Variants in TBC1D1 observed in about 807,000 individuals in gnomAD.
TBC1D1 encodes TBC1 (tre-2/USP6, BUB2, cdc16) domain family, member 1.
In TBC1D1, 89 loss-of-function variants were observed where a neutral mutation model predicts 125.6. That is an observed-to-expected ratio of 0.71 (90% CI 0.60 to 0.85). The LOEUF (loss-of-function observed/expected upper bound fraction) is 0.85. Ranked by LOEUF, TBC1D1 falls within the 40% of genes least tolerant of loss-of-function variation. TBC1D1 has a pLI of 0.00. For missense variants in TBC1D1, 1,377 were observed against 1,469.2 expected (o/e 0.94, Z 1.03); for synonymous variants, 565 against 564.1 (o/e 1.00, Z -0.02).
chr4:38,005,670 C>T (rs933093735), intron 2 of TBC1D1, among the ~76,000 whole-genome samples: 4 of 152,208 alleles, frequency 2.6e-5, no homozygotes, highest in African/African-American at 9.6e-5. Flanking sequence ...GAAATGAAGT[C>T]CTGCCCTCAG....
chr4:38,133,309 A>C, intron 19 of TBC1D1, 52 bp downstream of exon 21: 109 of 1,547,102 alleles, frequency 7.0e-5, no homozygotes, highest in South Asian at 9.6e-5. Flanking sequence ...ATGGTAGTTC[A>C]TTAACTCACC....
intron 2 of TBC1D1, among the ~76,000 whole-genome samples, chr4:37,976,669 G>T (rs1458336300): frequency 1.3e-5 from 2 of 151,794 alleles, no homozygotes; most frequent in Non-Finnish European, 1.5e-5. Context: ...TTTCAACGTG[G>T]AACTCAGGAG....
intron 14 of TBC1D1, among the ~76,000 whole-genome samples, chr4:38,098,429 A>G (rs577916712): frequency 5.3e-5 from 8 of 152,306 alleles, no homozygotes; most frequent in Non-Finnish European, 1.0e-4. Context: ...TGGCACCTGG[A>G]TATTTGTTTT....
chr4:38,028,785 C>T (rs1037510725), intron 7 of TBC1D1, among the ~76,000 whole-genome samples: 5 of 152,220 alleles, frequency 3.3e-5, no homozygotes, highest in East Asian at 1.9e-4. Context: ...CGCCCCTTCC[C>T]GCTTAGGATT....
chr4:37,953,390 G>A (rs1386809414), intron 2 of TBC1D1, among the ~76,000 whole-genome samples: 2 of 152,174 alleles, frequency 1.3e-5, no homozygotes. Context: ...ATCAAGGAGA[G>A]GCACTGCATG....
chr4:37,969,520 AT>A (rs1306398675), intron 2 of TBC1D1, among the ~76,000 whole-genome samples: 2 of 152,106 alleles, frequency 1.3e-5, no homozygotes, highest in Admixed American at 1.3e-4. Flanking sequence ...TAATTTTTGT[AT>A]TTTTGGTGGA....
intron 16 of TBC1D1, among the ~76,000 whole-genome samples, chr4:38,117,545 C>A (rs1449958160): frequency 6.6e-6 from 1 of 152,190 alleles, no homozygotes; most frequent in Non-Finnish European, 1.5e-5. Flanking sequence ...TTATGCTTCT[C>A]CTGCCTATTG....
At chr4:38,025,218 G>A (rs1744838604) in intron 6 of TBC1D1, among the ~76,000 whole-genome samples, 1 of 152,220 alleles carries the variant, frequency 6.6e-6, no homozygotes, top group East Asian at 1.9e-4. Flanking sequence ...GACCAGAGGA[G>A]CCAGGAGGGG....
chr4:38,061,762 C>T (rs1357094233), intron 12 of TBC1D1, among the ~76,000 whole-genome samples: 1 of 152,140 alleles, frequency 6.6e-6, no homozygotes, highest in Non-Finnish European at 1.5e-5. Flanking sequence ...CAGTAATAAA[C>T]AGTAATGCCT....
At position 38,049,728 on chromosome 4, in the gene TBC1D1, G is replaced by A. The variant is rs767528858; in HGVS notation, c.1740G>A (p.Glu580=). Residue 580 remains glutamate, a synonymous_variant, in exon 11 of 20, where the codon GAG becomes GAA. Transcript: ENST00000261439. Reference sequence around the variant, plus strand: ...ACTCGGAGAGTCATCTCCCAGAAGAGCCAGCTCCGCTGTCGCCCCAGCAGG... The same window carrying A: ...ACTCGGAGAGTCATCTCCCAGAAGAACCAGCTCCGCTGTCGCCCCAGCAGG... The A allele has an allele frequency of 1.2e-6, 2 of 1,614,162 alleles. No individual in the cohort carries two copies. Among genetic ancestry groups the A allele is most frequent in the Admixed American group, 3.3e-5 (2 of 60,026 alleles).
At chr4:37,946,116 A>T (rs956270327) in intron 2 of TBC1D1, among the ~76,000 whole-genome samples, 1 of 152,246 alleles carries the variant, frequency 6.6e-6, no homozygotes, top group South Asian at 2.1e-4. Flanking sequence ...GGCAAAAGCA[A>T]TGATCTTTGA....
At chr4:37,965,303 C>A (rs577447628) in intron 2 of TBC1D1, among the ~76,000 whole-genome samples, 1 of 152,278 alleles carries the variant, frequency 6.6e-6, no homozygotes, top group Admixed American at 6.5e-5. Flanking sequence ...TGCTTTGAAC[C>A]ATGCCTGGTG....
Position 38,111,919 on chromosome 4 carries a change from T to TCTG in TBC1D1, c.2558-3791_2558-3790insCTG, listed in dbSNP as rs1245926430. On this transcript the variant is annotated intron_variant, in intron 15 of 19. Coordinates refer to ENST00000261439, the MANE Select transcript of TBC1D1 (RefSeq NM_015173.4). ...AGAGACTCACAGCTGTTCCCCAGCC[T>TCTG]GGTAGTGAACCCAGAGGCCTGTCTT... is the stretch of plus-strand genomic sequence containing the variant. The TCTG allele has an allele frequency of 6.4e-5, 63 of 985,438 alleles. No homozygotes were observed. In the African/African-American group the frequency reaches 9.9e-4, roughly 16 times the overall value. 61.0% of individuals were successfully genotyped at this position (985,438 alleles called of 1,614,324 possible).
chr4:38,014,719 G>T lies in TBC1D1; in HGVS notation c.628G>T (p.Glu210Ter). ...TCACGTCAGCGGCAGCCGGGGGTCC[G>T]AGAGCCCCCGCCCCAACCCGCCCCA... The change falls in exon 3 of 20, where the codon GAG becomes TAG. Residue 210 changes from glutamate to a stop codon, truncating the protein, a stop_gained. Transcript: ENST00000261439. LOFTEE classifies it high-confidence loss of function. This position sits in a 1 kb window ranked among gnomAD's most constrained non-coding sequence, Gnocchi z 5.1. 1.2e-6 allele frequency: 2 copies of T among 1,612,254 alleles called. No homozygotes were observed. Among genetic ancestry groups the T allele is most frequent in the South Asian group, 1.1e-5 (1 of 91,068 alleles).
rs145958894 is a variant in TBC1D1 at position 37,906,137 on chromosome 4, G to A, written c.417+3625G>A. 2.7e-4 allele frequency among the ~76,000 whole-genome samples: 41 copies of A among 150,930 alleles called. No homozygotes were observed. The East Asian group carries it at 5.4e-3, about 20-fold the overall frequency. ...CAGGCTTCATCTTCAATATTGTCTC[G>A]TCCCTTCTTTTTCTTTTCCCCCCCG... On this transcript the variant is annotated intron_variant, in intron 2 of 19. Coordinates refer to ENST00000261439, the MANE Select transcript of TBC1D1 (RefSeq NM_015173.4).
chr4:37,918,998 C>A (rs909474897), intron 2 of TBC1D1, among the ~76,000 whole-genome samples: 1 of 151,692 alleles, frequency 6.6e-6, no homozygotes, highest in Non-Finnish European at 1.5e-5. Context: ...ATGTTCTACT[C>A]CTTATAATAT....
intron 19 of TBC1D1, among the ~76,000 whole-genome samples, chr4:38,136,229 T>C (rs6816462): frequency 0.18 from 26,919 of 152,158 alleles, 2,925 homozygotes; most frequent in Non-Finnish European, 0.24. Flanking sequence ...GCTAGAAAGA[T>C]ACACCTGGAA....
In TBC1D1 at chr4:37,949,798, C is replaced by T. The variant is rs184749872; in HGVS notation, c.417+47286C>T. On this transcript the variant is annotated intron_variant, in intron 2 of 19. Transcript: ENST00000261439. ...ATTTTAGCATGAAAGTAACAATAGA[C>T]GGTACCAAAAGAATGGGCTTGGCTA... Among the ~76,000 whole-genome samples the T allele has an allele frequency of 3.8e-3, 574 of 152,252 alleles. 6 individuals carry two copies. The highest frequency in any genetic ancestry group is 0.012 in the African/African-American group (508 of 41,532).
At chr4:38,023,868 G>A (rs1744562252) in intron 6 of TBC1D1, among the ~76,000 whole-genome samples, 1 of 152,154 alleles carries the variant, frequency 6.6e-6, no homozygotes. Flanking sequence ...GTAATTTTAT[G>A]TTTAATTTTT....
Sources: gnomAD v4.1 joint callset for allele counts (sites outside exome capture counted in the v4.1 genomes callset) on GRCh38, gnomAD v4.1.1 for gene constraint, Gnocchi (gnomAD v3.1) non-coding constraint, MANE v1.5 for transcripts, NCBI Gene and HGNC (gene_info 2026-07-23, HGNC 2026-07-21) for gene names.